The following ZNF331 variants were observed in gnomAD, a reference collection of about 807,000 sequenced individuals.
The protein encoded by ZNF331 is C2H2-like zinc finger protein rearranged in thyroid adenomas.
In ZNF331, 2 loss-of-function variants were observed where a neutral mutation model predicts 7.0. That is an observed-to-expected ratio of 0.29 (90% CI 0.12 to 0.90). The LOEUF is 0.90. ZNF331 is among the 40% of genes least tolerant of loss of function. ZNF331 has a pLI of 0.58. For synonymous variants in ZNF331, 196 were observed against 205.4 expected (o/e 0.95, Z 0.39); for missense variants, 432 against 587.7 (o/e 0.74, Z 2.74).
chr19:53,551,067 G>A (rs1233323553), intron 2 of ZNF331, among the ~76,000 whole-genome samples: 2 of 151,652 alleles, frequency 1.3e-5, no homozygotes, highest in African/African-American at 2.4e-5. Flanking sequence ...TCCTGACTTC[G>A]TGATCCACCC....
At position 53,539,778 on chromosome 19, in the gene ZNF331, C is replaced by T. The variant is rs757011712; in HGVS notation, c.-138+496C>T. ...TGGCATTAAGAAGGATGGACATGCC[C>T]CAAAGACATTTAGACCCATTGGTCT... On this transcript the variant is annotated intron_variant, in intron 2 of 5. Transcript: ENST00000449416. The surrounding 1 kb of genome is among the most constrained non-coding windows in gnomAD (Gnocchi z 6.1). Among the ~76,000 whole-genome samples, 21 of 152,104 alleles carry T rather than the reference C, an allele frequency of 1.4e-4. No individual in the cohort carries two copies. The highest frequency in any genetic ancestry group is 2.2e-4 in the Non-Finnish European group (15 of 68,030).
In ZNF331 at chr19:53,571,337, AT is replaced by A. The variant is rs2090435956; in HGVS notation, c.10-265del. On this transcript the variant is annotated intron_variant, in intron 4 of 5. Transcript: ENST00000449416. This position sits in a 1 kb window ranked among gnomAD's most constrained non-coding sequence, Gnocchi z 4.7. ...GCTTGTAAGCAAGAAGAAAACTTGG[AT>A]TGTTTTATCCACTTCCTGGCAGGTT... is the stretch of plus-strand genomic sequence containing the variant. Among the ~76,000 whole-genome samples, 1 of 152,128 alleles carries A rather than the reference AT, an allele frequency of 6.6e-6. No homozygotes were observed. Among genetic ancestry groups the A allele is most frequent in the African/African-American group, 2.4e-5 (1 of 41,414 alleles).
chr19:53,542,015 A>AG (rs2147334927), intron 2 of ZNF331, among the ~76,000 whole-genome samples: 1 of 152,116 alleles, frequency 6.6e-6, no homozygotes, highest in East Asian at 1.9e-4. Context: ...AAAAAAAACA[A>AG]GAAAAAAACA....
At position 53,578,424 on chromosome 19, in the gene ZNF331, A is replaced by ACCACCG; in HGVS notation, c.*472_*473insCCACCG. ...AAAAAAATCATATACTGAGGTTGCT[A>ACCACCG]AGATCTACATGACAATAAGATATTT... is the stretch of plus-strand genomic sequence containing the variant. On this transcript the variant is annotated 3_prime_UTR_variant, in exon 6 of 6. Coordinates refer to ENST00000449416, the MANE Select transcript of ZNF331 (RefSeq NM_001079906.2). The ACCACCG allele has an allele frequency of 4.3e-6, 1 of 231,982 alleles. No homozygotes were observed. Among genetic ancestry groups the ACCACCG allele is most frequent in the Admixed American group, 5.4e-5 (1 of 18,662 alleles). 14.4% of individuals were successfully genotyped at this position (231,982 alleles called of 1,614,324 possible).
At chr19:53,523,041 T>A (rs1463653320) in intron 2 of ZNF331, among the ~76,000 whole-genome samples, 3 of 151,960 alleles carry the variant, frequency 2.0e-5, no homozygotes, top group East Asian at 1.9e-4. Context: ...GTTAATTTTT[T>A]AAATTTTTAT....
At chr19:53,574,097 C>G (rs2147689102) in intron 5 of ZNF331, among the ~76,000 whole-genome samples, 1 of 152,004 alleles carries the variant, frequency 6.6e-6, no homozygotes, top group East Asian at 1.9e-4. Context: ...GCCTGGGCAA[C>G]AGAGCAAGAC....
chr19:53,545,832 C>T (rs1468588305), intron 2 of ZNF331, among the ~76,000 whole-genome samples: 2 of 152,166 alleles, frequency 1.3e-5, no homozygotes, highest in Admixed American at 6.5e-5. Flanking sequence ...TCCGTACCGG[C>T]TCCTGTGTCA....
intron 3 of ZNF331, among the ~76,000 whole-genome samples, chr19:53,566,619 G>A (rs1264897213): frequency 2.0e-5 from 3 of 152,136 alleles, no homozygotes; most frequent in Non-Finnish European, 2.9e-5. Flanking sequence ...AATCAGAAGA[G>A]GGAGAGGTTG....
At chr19:53,519,094 C>T (rs1364132185), upstream of ZNF331, among the ~76,000 whole-genome samples, 1 of 152,166 alleles carries the variant, frequency 6.6e-6, no homozygotes, top group East Asian at 1.9e-4. Context: ...GTCAAGGGTA[C>T]TCTATACAGT....
At chr19:53,556,242 CAAAAAAA>C (rs1160118053) in intron 3 of ZNF331, among the ~76,000 whole-genome samples, 1 of 84,944 alleles carries the variant, frequency 1.2e-5, no homozygotes, top group East Asian at 3.1e-4. Context: ...GACTCCATCT[CAAAAAAA>C]AAAAAAAAAA....
chr19:53,554,718 A>C (rs537618865), intron 2 of ZNF331: 2 of 152,354 alleles, frequency 1.3e-5, no homozygotes, highest in Non-Finnish European at 2.9e-5. Context: ...CATGGCTCCA[A>C]GGGGAGACGG....
chr19:53,530,633 C>T (rs16984976), intron 2 of ZNF331, among the ~76,000 whole-genome samples: 12,537 of 152,268 alleles, frequency 0.082, 594 homozygotes, highest in Non-Finnish European at 0.11. Context: ...TTCACACTCC[C>T]CTCAGACGTA....
intron 3 of ZNF331, among the ~76,000 whole-genome samples, chr19:53,559,798 A>G (rs1228384022): frequency 6.6e-6 from 1 of 151,498 alleles, no homozygotes; most frequent in Non-Finnish European, 1.5e-5. Flanking sequence ...ACACACACGT[A>G]TATACATATA....
chr19:53,527,550 C>T (rs903224643), intron 2 of ZNF331, among the ~76,000 whole-genome samples: 2 of 152,306 alleles, frequency 1.3e-5, no homozygotes, highest in South Asian at 2.1e-4. Context: ...TTACTGTTAA[C>T]TGTATTTACT....
the ZNF331 span, among the ~76,000 whole-genome samples, chr19:53,509,930 CAG>C: frequency 7.9e-5 from 12 of 152,132 alleles, no homozygotes; most frequent in African/African-American, 2.9e-4. Context: ...AAAGGAGAGA[CAG>C]AGAGAGTGAA....
At chr19:53,567,254 G>T (rs1395525844) in intron 3 of ZNF331, among the ~76,000 whole-genome samples, 1 of 152,096 alleles carries the variant, frequency 6.6e-6, no homozygotes, top group Non-Finnish European at 1.5e-5. Flanking sequence ...TATTACCTGA[G>T]CAGTTTCTTG....
the ZNF331 span, among the ~76,000 whole-genome samples, chr19:53,506,329 C>T: frequency 7.3e-5 from 6 of 81,812 alleles, no homozygotes; most frequent in African/African-American, 1.8e-4. Flanking sequence ...AGCGAGACTC[C>T]GTCTCAAAAA....
chr19:53,505,393 C>T, the ZNF331 span, among the ~76,000 whole-genome samples: 496 of 152,218 alleles, frequency 3.3e-3, 2 homozygotes, highest in Non-Finnish European at 3.6e-3. Context: ...GCTCCAGCCT[C>T]GTGCCATGTT....
At chr19:53,576,599 AT>A in intron 5 of ZNF331, 97 bp from the exon 6 acceptor site, 1 of 1,045,720 alleles carries the variant, frequency 9.6e-7, no homozygotes, top group Non-Finnish European at 1.4e-6. Context: ...ATTCTACTGG[AT>A]AATTTTTATT....
Sources: gnomAD v4.1 joint callset for allele counts (sites outside exome capture counted in the v4.1 genomes callset) on GRCh38, gnomAD v4.1.1 for gene constraint, Gnocchi (gnomAD v3.1) non-coding constraint, MANE v1.5 for transcripts, NCBI Gene and HGNC (gene_info 2026-07-23, HGNC 2026-07-21) for gene names.